DNHD1: variants seen among roughly 807,000 people sequenced by gnomAD.
DNHD1 encodes dynein heavy chain domain 1.
In DNHD1, 383 loss-of-function variants were observed where a neutral mutation model predicts 458.1. The observed-to-expected ratio is 0.84, with a 90% confidence interval of 0.77 to 0.91. DNHD1 has a LOEUF of 0.91. Among genes scored for constraint, DNHD1 ranks in the 40% least tolerant of loss-of-function variants. DNHD1 has a pLI of 0.00. For missense variants in DNHD1, 5,336 were observed against 5,866.1 expected, an observed-to-expected ratio of 0.91 and a Z score of 2.95; for synonymous variants, 2,203 against 2,376.9, an observed-to-expected ratio of 0.93 and a Z score of 2.13.
chr11:6,548,371 G>A lies in DNHD1; in HGVS notation c.7067G>A (p.Gly2356Glu). 6.4e-7 allele frequency: 1 copy of A among 1,551,702 alleles called. No homozygotes were observed. Among genetic ancestry groups the A allele is most frequent in the Non-Finnish European group, 8.7e-7 (1 of 1,146,994 alleles). Residue 2356 changes from glycine (G) to glutamate (E), a missense_variant, in exon 23 of 43, where the codon GGA (glycine) becomes GAA (glutamate). Gly to Glu is a moderately conservative substitution (Grantham distance 98, BLOSUM62 -2). Transcript: ENST00000254579. The surrounding 1 kb of genome is among the most constrained non-coding windows in gnomAD (Gnocchi z 4.4). ...CAATACCTGAGCAGCCACATCAAAG[G>A]AACTTTGGGCACCTTTCACCCTTCT... ...TGQYLSSHIKGTLGTFHPSIQ... is the reference protein window; with the variant it reads ...TGQYLSSHIKETLGTFHPSIQ...
In DNHD1 at chr11:6,566,403, A is replaced by T. The variant is rs908347333; in HGVS notation, c.11206+10A>T. The T allele has an allele frequency of 1.9e-6, 3 of 1,558,406 alleles. No homozygotes were observed. Among genetic ancestry groups the T allele is most frequent in the Non-Finnish European group, 2.6e-6 (3 of 1,150,898 alleles). ...TGTGCCATGGAAAAAGGTGAGGCCC[A>T]GAGGGCAAATTGCCAGCACAGTTGT... is the stretch of plus-strand genomic sequence containing the variant. On this transcript the variant is annotated intron_variant, in intron 34 of 42. Transcript: ENST00000254579.
chr11:6,511,478 C>A lies in DNHD1; in HGVS notation c.1392+49C>A. ...GGACCTCTTCCCCAAGTTGAGCTCC[C>A]CAGAGTTTCAGCCTCCTCTTAGTTA... On this transcript the variant is annotated intron_variant, in intron 7 of 42. Transcript: ENST00000254579. 1.9e-6 allele frequency: 3 copies of A among 1,597,976 alleles called. No homozygotes were observed. The South Asian group carries it at 3.3e-5, about 18-fold the overall frequency.
Position 6,528,707 on chromosome 11 carries a change from A to G in DNHD1, c.2023A>G (p.Asn675Asp). ...GCTGCGGGGCCAATACTTCCCCCAC[A>G]ATTATAAGCAGCTGGAGGAAGACCT... ...CRLRGQYFPH[N>D]YKQLEEDLDN... The change falls in exon 11 of 43, where the codon AAT becomes GAT. Residue 675 changes from asparagine to aspartate, a missense_variant. Physicochemically the swap from Asn to Asp is conservative, Grantham distance 23. Transcript: ENST00000254579. 6.4e-7 allele frequency: 1 copy of G among 1,551,702 alleles called. No homozygotes were observed. The highest frequency in any genetic ancestry group is 1.2e-5 in the South Asian group (1 of 84,062).
chr11:6,563,066 C>T lies in DNHD1; in HGVS notation c.9604C>T (p.Leu3202Phe). Residue 3202 changes from leucine (L) to phenylalanine (F), a missense_variant, in exon 29 of 43, where the codon CTC (leucine) becomes TTC (phenylalanine). By Grantham distance (22) the Leu-to-Phe change is conservative (BLOSUM62 0). Around this residue, in one of 4 missense-constraint regions of DNHD1, gnomAD observed 3,932 missense variants for 4,365.6 expected, o/e 0.90. Coordinates refer to ENST00000254579, the MANE Select transcript of DNHD1 (RefSeq NM_144666.3). ...GGAAGAGTGTCGGCATCAAGAGAAC[C>T]TCATTGAGAACCTGGCCAGGCAACG... ...QLEECRHQEN[L>F]IENLARQRDA... The T allele has an allele frequency of 6.4e-7, 1 of 1,551,656 alleles. No individual in the cohort carries two copies. The highest frequency in any genetic ancestry group is 1.2e-5 in the South Asian group (1 of 84,064).
intron 13 of DNHD1, 127 bp from the exon 14 acceptor site, chr11:6,533,554 A>C: frequency 2.5e-6 from 3 of 1,207,246 alleles, no homozygotes; most frequent in Non-Finnish European, 3.4e-6. Flanking sequence ...CCCTGATTCC[A>C]GTTGATTACA....
At chr11:6,565,626 A>G in intron 32 of DNHD1, 69 bp from the exon 33 acceptor site, 1 of 1,420,296 alleles carries the variant, frequency 7.0e-7, no homozygotes, top group Admixed American at 2.8e-5. Flanking sequence ...GGAGCCCTTC[A>G]GTGAATTCCT....
intron 18 of DNHD1, among the ~76,000 whole-genome samples, chr11:6,540,820 A>G (rs1853083533): frequency 6.6e-6 from 1 of 152,248 alleles, no homozygotes; most frequent in South Asian, 2.1e-4. Context: ...TTCTTATTCA[A>G]CGCAACTAGA....
Position 6,527,670 on chromosome 11 carries a change from G to A in DNHD1, c.1838-852G>A, listed in dbSNP as rs559567448. On this transcript the variant is annotated intron_variant, in intron 10 of 42. Transcript: ENST00000254579. ...AGATAAATCTGGGAGCAAATATATG[G>A]TACTTACAGCCATAAAGCTGGATGA... Among the ~76,000 whole-genome samples the A allele has an allele frequency of 5.3e-5, 8 of 152,292 alleles. 1 individual carries two copies. The South Asian group carries it at 1.0e-3, about 20-fold the overall frequency.
intron 18 of DNHD1, among the ~76,000 whole-genome samples, chr11:6,543,174 T>C (rs1374893274): frequency 2.0e-5 from 3 of 152,236 alleles, no homozygotes; most frequent in Admixed American, 2.0e-4. Context: ...GAGAGCAGGA[T>C]AATGAGTTTT....
intron 18 of DNHD1, among the ~76,000 whole-genome samples, chr11:6,543,682 G>A (rs556102070): frequency 6.6e-6 from 1 of 152,278 alleles, no homozygotes; most frequent in African/African-American, 2.4e-5. Flanking sequence ...AAGGGCAGCT[G>A]GGCATGGTGG....
chr11:6,506,635 A>T (rs938897274), intron 4 of DNHD1, among the ~76,000 whole-genome samples: 1 of 152,068 alleles, frequency 6.6e-6, no homozygotes, highest in African/African-American at 2.4e-5. Context: ...TTTAGGAGAG[A>T]ATTTATTCCT....
At chr11:6,521,555 TAGA>T (rs1386736715) in intron 10 of DNHD1, among the ~76,000 whole-genome samples, 1 of 152,112 alleles carries the variant, frequency 6.6e-6, no homozygotes, top group Non-Finnish European at 1.5e-5. Flanking sequence ...AATGAAAAGA[TAGA>T]AGGAAAAACA....
At chr11:6,529,221 A>C (rs531101984) in intron 12 of DNHD1, 100 bp downstream of exon 12, 3 of 1,339,804 alleles carry the variant, frequency 2.2e-6, no homozygotes, top group Non-Finnish European at 1.0e-6. Flanking sequence ...CCTTCGGTGC[A>C]GGCCTCTTAT....
Position 6,528,996 on chromosome 11 carries a change from A to C in DNHD1, c.2222A>C (p.Lys741Thr). 6.4e-7 allele frequency: 1 copy of C among 1,551,616 alleles called. No homozygotes were observed. Among genetic ancestry groups the C allele is most frequent in the East Asian group, 2.4e-5 (1 of 40,928 alleles). The change falls in exon 12 of 43, where the codon AAG (lysine) becomes ACG (threonine). Residue 741 changes from lysine (K) to threonine (T), a missense_variant. Transcript: ENST00000254579. ...GAAGACATGAGAGGTGGTCCCATCA[A>C]GAACTACGTGACGCTGGTGAGCCGC... ...KLEDMRGGPI[K>T]NYVTLVSRLN... is the part of the protein sequence containing the mutation.
intron 10 of DNHD1, among the ~76,000 whole-genome samples, chr11:6,525,932 A>G (rs1396341574): frequency 6.6e-6 from 1 of 152,058 alleles, no homozygotes; most frequent in Non-Finnish European, 1.5e-5. Flanking sequence ...ATTCTGGGGA[A>G]GGATTGTCAG....
At chr11:6,566,173 C>T (rs952697671) in intron 33 of DNHD1, 68 bp from the exon 34 acceptor site, 39 of 1,528,482 alleles carry the variant, frequency 2.6e-5, no homozygotes, top group Admixed American at 4.0e-5. Flanking sequence ...AGCCAGACCT[C>T]GTGCCTGGGG....
chr11:6,555,485 T>C (rs541657206), intron 24 of DNHD1, among the ~76,000 whole-genome samples: 51 of 152,332 alleles, frequency 3.3e-4, no homozygotes, highest in Admixed American at 6.5e-4. Flanking sequence ...AGAAGTATCC[T>C]GTGAAAGGCA....
In DNHD1 at chr11:6,553,632, A is replaced by G. The variant is rs529176300; in HGVS notation, c.7388-3051A>G. Among the ~76,000 whole-genome samples the G allele has an allele frequency of 3.9e-5, 6 of 152,362 alleles. No individual in the cohort carries two copies. In the South Asian group the frequency reaches 1.2e-3, roughly 32 times the overall value. On this transcript the variant is annotated intron_variant, in intron 24 of 42. Transcript: ENST00000254579. ...ACCCCATAAAAAACTACTACAATAA[A>G]TAAGTTAATTCATCAGGGTCACAGG...
intron 12 of DNHD1, among the ~76,000 whole-genome samples, chr11:6,531,091 G>A (rs754804284): frequency 6.6e-6 from 1 of 152,172 alleles, no homozygotes; most frequent in Non-Finnish European, 1.5e-5. Context: ...TCTTAGCATT[G>A]AGTGTGGCAT....
Sources: gnomAD v4.1 joint callset for allele counts (sites outside exome capture counted in the v4.1 genomes callset) on GRCh38, gnomAD v4.1.1 for gene constraint, gnomAD v4.1.1 regional missense constraint, Gnocchi (gnomAD v3.1) non-coding constraint, MANE v1.5 for transcripts, NCBI Gene and HGNC (gene_info 2026-07-23, HGNC 2026-07-21) for gene names.